The following TOGARAM1 variants were observed in gnomAD, a reference collection of about 807,000 sequenced individuals.
TOGARAM1 encodes TOG array regulator of axonemal microtubules protein 1.
A neutral mutation model predicts 166.6 loss-of-function variants in TOGARAM1; 100 were observed. The ratio of observed to expected loss-of-function variants is 0.60; its 90% CI spans 0.51 to 0.71. The LOEUF (loss-of-function observed/expected upper bound fraction) is 0.71, where lower values mean the gene tolerates loss of function less well. Among genes scored for constraint, TOGARAM1 ranks in the 30% least tolerant of loss-of-function variants. The probability of loss-of-function intolerance (pLI) is 0.00; values close to 1 mark genes in which losing one functional copy is unlikely to be tolerated. For synonymous variants in TOGARAM1, 758 were observed against 763.8 expected, an observed-to-expected ratio of 0.99 and a Z score of 0.13; for missense variants, 2,029 against 2,102.7, an observed-to-expected ratio of 0.96 and a Z score of 0.69.
chr14:45,071,971 T>C (rs527831761), intron 19 of TOGARAM1, among the ~76,000 whole-genome samples, 173 bp downstream of exon 19: 15 of 152,338 alleles, frequency 9.8e-5, no homozygotes, highest in Admixed American at 6.5e-4. Context: ...CCATACATTA[T>C]TGTCAAAAGA....
chr14:44,964,467 G>T lies in TOGARAM1; in HGVS notation c.2046G>T (p.Gln682His). The change falls in exon 1 of 20, where the codon CAG (glutamine) becomes CAT (histidine). Residue 682 changes from glutamine to histidine, a missense_variant and splice_region_variant. Around this residue, in one of 2 missense-constraint regions of TOGARAM1, gnomAD observed 1,453 missense variants for 1,432.2 expected, o/e 1.01. Transcript: ENST00000361462. ...NQTSTSKDIE[Q>H]FSTYDFIPSA... is the part of the protein sequence containing the mutation. ...CCTCCACTTCCAAGGATATAGAGCA[G>T]GTATGCTTCTCTAATTTTCTTGAGT... The T allele has an allele frequency of 6.5e-7, 1 of 1,531,134 alleles. No homozygotes were observed. The highest frequency in any genetic ancestry group is 2.1e-5 in the Admixed American group (1 of 46,730). The allele number at this position is 1,531,134 out of a possible 1,614,324, so 94.8% of individuals were successfully genotyped here. A position where few individuals can be genotyped will look rare whatever the true frequency, so the allele number is the denominator to read the frequency against.
rs1887743647 is a variant in TOGARAM1, at chr14:45,002,733, T to A, written c.2339-1328T>A. ...TGGCTCACGCCTGTAATCCTAGTGCTTTGGGAGGCCAAGGTGGGTGGATCA... is the reference window on the plus strand; with the variant it reads ...TGGCTCACGCCTGTAATCCTAGTGCATTGGGAGGCCAAGGTGGGTGGATCA... On this transcript the variant is annotated intron_variant, in intron 3 of 19. Transcript: ENST00000361462. 2.6e-5 allele frequency among the ~76,000 whole-genome samples: 4 copies of A among 152,204 alleles called. No homozygotes were observed. In the South Asian group the frequency reaches 8.3e-4, roughly 31 times the overall value.
chr14:45,046,780 A>C (rs1882086950), intron 14 of TOGARAM1, 77 bp downstream of exon 14: 1 of 1,170,778 alleles, frequency 8.5e-7, no homozygotes, highest in Admixed American at 4.2e-5. Context: ...AGTTTAAAGA[A>C]GAATGAACAT....
intron 19 of TOGARAM1, among the ~76,000 whole-genome samples, chr14:45,072,704 C>T (rs981957741): frequency 1.1e-4 from 16 of 151,948 alleles, no homozygotes; most frequent in Non-Finnish European, 2.1e-4. Context: ...GAATTTCAGG[C>T]GTGAGCCACT....
intron 1 of TOGARAM1, among the ~76,000 whole-genome samples, chr14:44,984,528 T>C (rs1187230197): frequency 1.3e-5 from 2 of 151,852 alleles, no homozygotes; most frequent in African/African-American, 4.8e-5. Context: ...GGCTTGTGCC[T>C]GGAATCCCAG....
At chr14:45,056,347 G>A (rs1339483811) in intron 16 of TOGARAM1, among the ~76,000 whole-genome samples, 1 of 151,982 alleles carries the variant, frequency 6.6e-6, no homozygotes, top group Non-Finnish European at 1.5e-5. Context: ...TTTTGCAGTT[G>A]GGTGCCTTTT....
intron 18 of TOGARAM1, among the ~76,000 whole-genome samples, chr14:45,070,827 G>A (rs1278945405): frequency 6.6e-6 from 1 of 152,156 alleles, no homozygotes; most frequent in African/African-American, 2.4e-5. Flanking sequence ...TATAATCTTT[G>A]TAAATTTCTC....
In TOGARAM1 at chr14:44,995,828, GAA is replaced by G; in HGVS notation, c.2133_2134del (p.Arg712SerfsTer9). 1 of 1,609,166 alleles carries G rather than the reference GAA, an allele frequency of 6.2e-7. No homozygotes were observed. On this transcript the variant is annotated frameshift_variant, in exon 2 of 20. Transcript: ENST00000361462. LOFTEE classifies it high-confidence loss of function. ...GTCAATGATGATTTATGTTTTAGCA[GAA>G]AAAGAGTATCAAGAAACTTATTTCA... is the stretch of plus-strand genomic sequence containing the variant.
chr14:44,995,789 C>T lies in TOGARAM1; in HGVS notation c.2090C>T (p.Ser697Phe). ...DFIPSAKLKL[S>F]QGMPVNDDLC... is the part of the protein sequence containing the mutation. ...ATCCCATCTGCAAAATTAAAGCTTT[C>T]TCAAGGAATGCCAGTCAATGATGAT... The change falls in exon 2 of 20, where the codon TCT (serine) becomes TTT (phenylalanine). Residue 697 changes from serine (S) to phenylalanine (F), a missense_variant. Coordinates refer to ENST00000361462, the MANE Select transcript of TOGARAM1 (RefSeq NM_001308120.2). 1 of 1,597,280 alleles carries T rather than the reference C, an allele frequency of 6.3e-7. No homozygotes were observed. Among genetic ancestry groups the T allele is most frequent in the Non-Finnish European group, 8.5e-7 (1 of 1,173,202 alleles).
Position 45,054,030 on chromosome 14 carries a change from C to G in TOGARAM1, c.4441-401C>G, listed in dbSNP as rs963747888. On this transcript the variant is annotated intron_variant, in intron 15 of 19. Coordinates refer to ENST00000361462, the MANE Select transcript of TOGARAM1 (RefSeq NM_001308120.2). ...AATAGCTAGGATTACACCACCATGCCCAGCTAGTTTTTGTGCTTTTAGTTG... is the reference window on the plus strand; with the variant it reads ...AATAGCTAGGATTACACCACCATGCGCAGCTAGTTTTTGTGCTTTTAGTTG... Among the ~76,000 whole-genome samples, 22 of 152,036 alleles carry G rather than the reference C, an allele frequency of 1.4e-4. 1 individual carries two copies. The highest frequency in any genetic ancestry group is 1.8e-4 in the Non-Finnish European group (12 of 68,014).
rs571779855 is a variant in TOGARAM1 at position 45,007,336 on chromosome 14, T to TC, written c.2904+1072dup. On this transcript the variant is annotated intron_variant, in intron 5 of 19. Coordinates refer to ENST00000361462, the MANE Select transcript of TOGARAM1 (RefSeq NM_001308120.2). ...TGTGAAATCTTTCCTTTTTTTTTTTTCCCAACTCATTTGTATTTTACTAGT... is the reference window on the plus strand; with the variant it reads ...TGTGAAATCTTTCCTTTTTTTTTTTTCCCCAACTCATTTGTATTTTACTAGT... The TC allele has an allele frequency of 3.7e-4, 56 of 151,914 alleles. 2 individuals carry two copies. The South Asian group carries it at 0.012, about 32-fold the overall frequency. 9.4% of individuals were successfully genotyped at this position (151,914 alleles called of 1,614,324 possible). A position where few individuals can be genotyped will look rare whatever the true frequency, so the allele number is the denominator to read the frequency against.
chr14:45,006,519 T>C (rs115402000), intron 5 of TOGARAM1: 457 of 289,392 alleles, frequency 1.6e-3, no homozygotes, highest in African/African-American at 9.2e-3. Flanking sequence ...GCATACATTA[T>C]TCCTTTTTAA....
intron 11 of TOGARAM1, among the ~76,000 whole-genome samples, chr14:45,040,436 G>A (rs1201810550): frequency 6.6e-6 from 1 of 152,096 alleles, no homozygotes; most frequent in Non-Finnish European, 1.5e-5. Context: ...GCAAAGAAAG[G>A]AAATAATAAA....
In TOGARAM1 at chr14:44,984,069, G is replaced by A. The variant is rs569506213; in HGVS notation, c.2047-11677G>A. On this transcript the variant is annotated intron_variant, in intron 1 of 19. Coordinates refer to ENST00000361462, the MANE Select transcript of TOGARAM1 (RefSeq NM_001308120.2). Reference sequence around the variant, plus strand: ...TATTAATTGCTATTTTATTTTTCATGTGGAAATTGAATTTAAGAAAGAGTT... The same window carrying A: ...TATTAATTGCTATTTTATTTTTCATATGGAAATTGAATTTAAGAAAGAGTT... 1.2e-4 allele frequency among the ~76,000 whole-genome samples: 19 copies of A among 152,234 alleles called. 3 individuals carry two copies. Among genetic ancestry groups the A allele is most frequent in the African/African-American group, 3.9e-4 (16 of 41,540 alleles).
chr14:45,027,245 T>G (rs922611877), intron 8 of TOGARAM1, 54 bp from the exon 9 acceptor site: 1 of 1,577,698 alleles, frequency 6.3e-7, no homozygotes, highest in African/African-American at 1.4e-5. Context: ...CTTTGTTGTC[T>G]AGAGTACCAT....
In TOGARAM1 at chr14:45,026,003, T is replaced by C. The variant is rs1880818104; in HGVS notation, c.3328+131T>C. ...TTCTTTTTAAAAATGTATTACATTA[T>C]CTTCATTAAAATAATTAGAAGTGAA... On this transcript the variant is annotated intron_variant, in intron 8 of 19. Coordinates refer to ENST00000361462, the MANE Select transcript of TOGARAM1 (RefSeq NM_001308120.2). 3.6e-5 allele frequency: 19 copies of C among 522,698 alleles called. No homozygotes were observed. In the South Asian group the frequency reaches 5.5e-4, roughly 15 times the overall value. The allele number at this position is 522,698 out of a possible 1,614,324, so 32.4% of individuals were successfully genotyped here.
chr14:45,044,619 T>C lies in TOGARAM1; in HGVS notation c.3919-16T>C, dbSNP rs376744531. On this transcript the variant is annotated splice_polypyrimidine_tract_variant and intron_variant, in intron 12 of 19. Coordinates refer to ENST00000361462, the MANE Select transcript of TOGARAM1 (RefSeq NM_001308120.2). ...GCAGAATATCAGCAAAATGTACATT[T>C]TGAATTTTTTTTTAGGTGAAAAATT... 1.1e-5 allele frequency: 17 copies of C among 1,557,892 alleles called. No individual in the cohort carries two copies. In the Admixed American group the frequency reaches 2.7e-4, roughly 25 times the overall value.
At chr14:45,039,564 C>T (rs1299018358) in intron 11 of TOGARAM1, among the ~76,000 whole-genome samples, 1 of 152,112 alleles carries the variant, frequency 6.6e-6, no homozygotes, top group Non-Finnish European at 1.5e-5. Context: ...TGTTGGTGCC[C>T]AAAGTCCAGA....
At chr14:45,019,862 T>G (rs1446552196) in intron 7 of TOGARAM1, among the ~76,000 whole-genome samples, 1 of 152,154 alleles carries the variant, frequency 6.6e-6, no homozygotes, top group Non-Finnish European at 1.5e-5. Flanking sequence ...GGTTGGCTGA[T>G]GACTGCTCTA....
Sources: gnomAD v4.1 joint callset for allele counts (sites outside exome capture counted in the v4.1 genomes callset) on GRCh38, gnomAD v4.1.1 for gene constraint, gnomAD v4.1.1 regional missense constraint, MANE v1.5 for transcripts, NCBI Gene and HGNC (gene_info 2026-07-23, HGNC 2026-07-21) for gene names.